Variants in PLAC8 observed in about 807,000 individuals in gnomAD.
The protein encoded by PLAC8 is placenta associated 8, also known as placenta-specific gene 8 protein.
A neutral mutation model predicts 12.6 loss-of-function variants in PLAC8; 6 were observed. That is an observed-to-expected ratio of 0.48 (90% CI 0.26 to 0.94). The LOEUF is 0.94. Ranked by LOEUF, PLAC8 falls within the 40% of genes least tolerant of loss-of-function variation. PLAC8 has a pLI of 0.14. For missense variants in PLAC8, 122 were observed against 152.7 expected (o/e 0.80, Z 1.06); for synonymous variants, 54 against 52.6 (o/e 1.03, Z -0.11).
intron 1 of PLAC8, among the ~76,000 whole-genome samples, chr4:83,111,281 T>A (rs1405370953): frequency 6.6e-6 from 1 of 152,192 alleles, no homozygotes; most frequent in Non-Finnish European, 1.5e-5. Context: ...TAATTTTTTT[T>A]ATAATTAGCA....
chr4:83,092,688 T>C (rs1731832737), intron 4 of PLAC8, among the ~76,000 whole-genome samples: 1 of 152,186 alleles, frequency 6.6e-6, no homozygotes, highest in South Asian at 2.1e-4. Context: ...TTTCTACTTA[T>C]GCCATATGTT....
intron 1 of PLAC8, among the ~76,000 whole-genome samples, chr4:83,113,230 G>C (rs1456935040): frequency 1.3e-5 from 2 of 152,202 alleles, no homozygotes; most frequent in Non-Finnish European, 2.9e-5. Flanking sequence ...ACACGGCTTG[G>C]TGAGCACGTA....
Position 83,094,803 on chromosome 4 carries a change from C to G in PLAC8, c.244-12G>C. 6.8e-7 allele frequency: 1 copy of G among 1,461,872 alleles called. No individual in the cohort carries two copies. Among genetic ancestry groups the G allele is most frequent in the Non-Finnish European group, 9.3e-7 (1 of 1,075,310 alleles). 90.6% of individuals were successfully genotyped at this position (1,461,872 alleles called of 1,614,324 possible). A position where few individuals can be genotyped will look rare whatever the true frequency, so the allele number is the denominator to read the frequency against. ...TCACAAATAGATCCCTGTTTGAAAA[C>G]CAAAAAGAAATAAAAATATAAAATT... On this transcript the variant is annotated splice_polypyrimidine_tract_variant and intron_variant, in intron 3 of 4. Coordinates refer to ENST00000311507, the MANE Select transcript of PLAC8 (RefSeq NM_016619.3).
intron 4 of PLAC8, chr4:83,094,270 C>G (rs1167098546): frequency 6.4e-6 from 1 of 156,790 alleles, no homozygotes; most frequent in Non-Finnish European, 1.4e-5. Flanking sequence ...ACAATCAATC[C>G]AAATATCATA....
intron 3 of PLAC8, among the ~76,000 whole-genome samples, chr4:83,103,713 C>T (rs1459199245): frequency 1.3e-5 from 2 of 151,976 alleles, no homozygotes; most frequent in African/African-American, 2.4e-5. Context: ...CTCTGTTGTC[C>T]AGGCTGGAGT....
At chr4:83,108,113 T>C (rs1033826312) in intron 1 of PLAC8, among the ~76,000 whole-genome samples, 163 bp from the exon 2 acceptor site, 7 of 151,708 alleles carry the variant, frequency 4.6e-5, no homozygotes, top group African/African-American at 1.7e-4. Context: ...TGTGCACATG[T>C]ACCCTAGAAC....
intron 4 of PLAC8, among the ~76,000 whole-genome samples, chr4:83,091,960 A>G (rs1731817125): frequency 6.6e-6 from 1 of 152,208 alleles, no homozygotes; most frequent in African/African-American, 2.4e-5. Context: ...AGTTTGGACT[A>G]TGGGGAGCTT....
Position 83,104,983 on chromosome 4 carries a change from A to G in PLAC8, c.156T>C (p.Cys52=), listed in dbSNP as rs758168980. ...ATTCATTCATATCAGCTGCAACTTG[A>G]CACCCAAGGCACGGGAAACAAAATG... The part of the protein sequence containing the change: ...CGTFCFPCLG[C]QVAADMNECC... The change falls in exon 3 of 5, where the codon TGT becomes TGC. Residue 52 remains cysteine, a synonymous_variant. Transcript: ENST00000311507. The G allele has an allele frequency of 6.2e-7, 1 of 1,614,122 alleles. No individual in the cohort carries two copies. Among genetic ancestry groups the G allele is most frequent in the Non-Finnish European group, 8.5e-7 (1 of 1,180,016 alleles).
chr4:83,090,543 A>AAG lies in PLAC8; in HGVS notation c.*437_*438insCT, dbSNP rs1731784599. 5.6e-5 allele frequency: 8 copies of AAG among 141,726 alleles called. No homozygotes were observed. The highest frequency in any genetic ancestry group is 4.2e-4 in the Admixed American group (6 of 14,392). The allele number at this position is 141,726 out of a possible 1,614,324, so 8.8% of individuals were successfully genotyped here. A position where few individuals can be genotyped will look rare whatever the true frequency, so the allele number is the denominator to read the frequency against. On this transcript the variant is annotated 3_prime_UTR_variant, in exon 5 of 5. Coordinates refer to ENST00000311507, the MANE Select transcript of PLAC8 (RefSeq NM_016619.3). Reference sequence around the variant, plus strand: ...ACTCTATCTCAAAAAAAAAAAAAAAAAAAGAAAGAAAGATCCCCCAACTCT... The same window carrying AAG: ...ACTCTATCTCAAAAAAAAAAAAAAAAAGAAAGAAAGAAAGATCCCCCAACTCT...
chr4:83,094,073 T>A (rs539925401), intron 4 of PLAC8: 13 of 152,366 alleles, frequency 8.5e-5, no homozygotes, highest in African/African-American at 3.1e-4. Context: ...GATTTCTACT[T>A]AACTACATCC....
chr4:83,094,302 C>CT (rs1731874212), intron 4 of PLAC8: 1 of 162,806 alleles, frequency 6.1e-6, no homozygotes, highest in Non-Finnish European at 1.3e-5. Flanking sequence ...TTTCTTTACT[C>CT]TTCTATTTTA....
At chr4:83,110,100 G>A (rs1411089562) in intron 1 of PLAC8, among the ~76,000 whole-genome samples, 3 of 152,094 alleles carry the variant, frequency 2.0e-5, no homozygotes, top group Non-Finnish European at 4.4e-5. Context: ...GGCAGGGCTG[G>A]CGCCGCTTCC....
At chr4:83,099,911 CAGGAAAATTGCTTGAACCTGGG>C (rs1732045858) in intron 3 of PLAC8, among the ~76,000 whole-genome samples, 1 of 151,080 alleles carries the variant, frequency 6.6e-6, no homozygotes, top group South Asian at 2.1e-4. Flanking sequence ...GAGGCTGAGG[CAGGAAAATTGCTTGAACCTGGG>C]AGGCAGAGGT....
chr4:83,107,619 G>GTTTTT (rs1732283820), intron 2 of PLAC8, among the ~76,000 whole-genome samples, 185 bp downstream of exon 2: 1 of 11,832 alleles, frequency 8.5e-5, no homozygotes, highest in African/African-American at 1.3e-4. Flanking sequence ...CCATACGGAG[G>GTTTTT]CTTTTTTTTT....
chr4:83,109,647 C>CGCCTGGCTCTTCCCCAGTT, intron 1 of PLAC8: 1 of 150,798 alleles, frequency 6.6e-6, no homozygotes, highest in Admixed American at 6.6e-5. Flanking sequence ...GCGGAGAGCC[C>CGCCTGGCTCTTCCCCAGTT]GCCTGGCTCT....
At chr4:83,095,156 A>G (rs1454868633) in intron 3 of PLAC8, among the ~76,000 whole-genome samples, 1 of 152,164 alleles carries the variant, frequency 6.6e-6, no homozygotes, top group Non-Finnish European at 1.5e-5. Flanking sequence ...AAGAAAGAGG[A>G]AGATAAGAAG....
intron 3 of PLAC8, among the ~76,000 whole-genome samples, chr4:83,104,244 A>G (rs1489759020): frequency 6.6e-6 from 1 of 152,210 alleles, no homozygotes; most frequent in Non-Finnish European, 1.5e-5. Flanking sequence ...TGGGAAACCA[A>G]AAAATTCATG....
At chr4:83,109,842 C>T (rs1732363217) in intron 1 of PLAC8, 1 of 152,582 alleles carries the variant, frequency 6.6e-6, no homozygotes, top group African/African-American at 2.4e-5. Flanking sequence ...GCTCTGGGAC[C>T]CCTGGGTCTC....
chr4:83,094,542 G>T, intron 4 of PLAC8, 136 bp downstream of exon 4: 2 of 583,100 alleles, frequency 3.4e-6, no homozygotes, highest in South Asian at 2.2e-5. Flanking sequence ...AGCCAATCTT[G>T]ATATTATGAT....
Sources: allele counts gnomAD v4.1 joint callset (sites outside exome capture counted in the v4.1 genomes callset), GRCh38; gene constraint gnomAD v4.1.1; transcripts MANE v1.5; gene names NCBI Gene and HGNC (gene_info 2026-07-23, HGNC 2026-07-21).